The following CACNA2D3 variants were observed in gnomAD, a reference collection of about 807,000 sequenced individuals.
CACNA2D3 encodes the protein calcium voltage-gated channel auxiliary subunit alpha2delta 3.
A neutral mutation model predicts 160.6 loss-of-function variants in CACNA2D3; 60 were observed. That is an observed-to-expected ratio of 0.37 (90% confidence interval 0.30 to 0.46). The LOEUF is 0.46. Ranked by LOEUF, CACNA2D3 falls within the 20% of genes least tolerant of loss-of-function variation. The probability of loss-of-function intolerance (pLI) is 1.00; values close to 1 mark genes in which losing one functional copy is unlikely to be tolerated. For missense variants in CACNA2D3, 1,205 were observed against 1,365.0 expected, an observed-to-expected ratio of 0.88 and a Z score of 1.85; for synonymous variants, 558 against 492.9, an observed-to-expected ratio of 1.13 and a Z score of -1.75.
At chr3:54,286,734 A>G (rs1703037676) in intron 2 of CACNA2D3, among the ~76,000 whole-genome samples, 2 of 152,250 alleles carry the variant, frequency 1.3e-5, no homozygotes, top group African/African-American at 4.8e-5. Flanking sequence ...ATCTCTCGGC[A>G]GAAACTCTAC....
chr3:54,378,849 G>A (rs1699053343), intron 3 of CACNA2D3, among the ~76,000 whole-genome samples: 1 of 152,190 alleles, frequency 6.6e-6, no homozygotes. Flanking sequence ...CTTTGCAAAT[G>A]TTGCACTTTG....
At chr3:54,322,146 C>A (rs1239448994) in intron 3 of CACNA2D3, among the ~76,000 whole-genome samples, 1 of 152,214 alleles carries the variant, frequency 6.6e-6, no homozygotes, top group Non-Finnish European at 1.5e-5. Context: ...TGCCTTGACA[C>A]AGAGGTCCAG....
chr3:54,183,989 A>C (rs534662848), intron 2 of CACNA2D3, among the ~76,000 whole-genome samples: 1 of 151,928 alleles, frequency 6.6e-6, no homozygotes, highest in Admixed American at 6.6e-5. Context: ...AAAAGCAGGA[A>C]TCATCTGCTT....
chr3:54,971,738 A>C (rs1575415474), intron 29 of CACNA2D3, among the ~76,000 whole-genome samples: 1 of 152,210 alleles, frequency 6.6e-6, no homozygotes, highest in Non-Finnish European at 1.5e-5. Flanking sequence ...TTCTTCAATG[A>C]CTGCTTTCAC....
chr3:54,287,006 G>T (rs144856276), intron 2 of CACNA2D3, among the ~76,000 whole-genome samples: 113 of 152,270 alleles, frequency 7.4e-4, no homozygotes, highest in African/African-American at 2.3e-3. Context: ...AGGCTAGGAA[G>T]AAACTGCATC....
chr3:54,885,959 T>C (rs1331624877), intron 23 of CACNA2D3, among the ~76,000 whole-genome samples: 3 of 152,224 alleles, frequency 2.0e-5, no homozygotes. Flanking sequence ...TTCAAGGCTA[T>C]ATCTAGATCT....
chr3:54,920,582 G>C (rs138615747), intron 27 of CACNA2D3, among the ~76,000 whole-genome samples: 205 of 152,346 alleles, frequency 1.3e-3, no homozygotes, highest in African/African-American at 4.8e-3. Flanking sequence ...GTGCCATTGA[G>C]ATTAAGGATT....
At chr3:54,455,062 C>T (rs1700373900) in intron 4 of CACNA2D3, among the ~76,000 whole-genome samples, 1 of 152,110 alleles carries the variant, frequency 6.6e-6, no homozygotes, top group South Asian at 2.1e-4. Context: ...CATGGGGGCG[C>T]AGATATCTCT....
In CACNA2D3 at chr3:54,417,303, T is replaced by C. The variant is rs1475725452; in HGVS notation, c.381+30529T>C. ...AAGCAAAACAAAACAGACTTTCCCA[T>C]GCTGGTAGGTATTAATGGAAGGTAA... On this transcript the variant is annotated intron_variant, in intron 4 of 37. Transcript: ENST00000474759. Among the ~76,000 whole-genome samples the C allele has an allele frequency of 2.0e-5, 3 of 152,326 alleles. No individual in the cohort carries two copies. The East Asian group carries it at 5.8e-4, about 29-fold the overall frequency.
At chr3:54,867,335 G>A (rs1236063331) in intron 17 of CACNA2D3, among the ~76,000 whole-genome samples, 1 of 152,104 alleles carries the variant, frequency 6.6e-6, no homozygotes, top group Non-Finnish European at 1.5e-5. Context: ...ACGCAATCGT[G>A]TATCTTGGAA....
chr3:54,347,806 C>G (rs567161125), intron 3 of CACNA2D3, among the ~76,000 whole-genome samples: 1 of 152,078 alleles, frequency 6.6e-6, no homozygotes, highest in African/African-American at 2.4e-5. Flanking sequence ...TGCCTGAGAC[C>G]CACCGTGCCT....
chr3:54,666,600 C>T (rs1010913029), intron 11 of CACNA2D3, among the ~76,000 whole-genome samples: 1 of 152,208 alleles, frequency 6.6e-6, no homozygotes, highest in Non-Finnish European at 1.5e-5. Flanking sequence ...TTTTCTTCCT[C>T]CAATATAAGG....
intron 27 of CACNA2D3, among the ~76,000 whole-genome samples, chr3:54,948,904 G>C (rs1701684651): frequency 1.3e-5 from 2 of 152,176 alleles, no homozygotes; most frequent in African/African-American, 2.4e-5. Context: ...TTGATTATTT[G>C]ATTATTTGGG....
At chr3:54,873,459 T>A (rs1486195775) in intron 18 of CACNA2D3, among the ~76,000 whole-genome samples, 1 of 152,130 alleles carries the variant, frequency 6.6e-6, no homozygotes, top group African/African-American at 2.4e-5. Flanking sequence ...CTTGAAGAGA[T>A]GTATGACTCA....
At chr3:54,673,444 C>G (rs1700192386) in intron 11 of CACNA2D3, among the ~76,000 whole-genome samples, 1 of 152,132 alleles carries the variant, frequency 6.6e-6, no homozygotes, top group African/African-American at 2.4e-5. Context: ...ATTTGTTTTG[C>G]AAAACGCAAC....
intron 27 of CACNA2D3, among the ~76,000 whole-genome samples, chr3:54,903,772 T>A (rs1700392319): frequency 6.6e-6 from 1 of 152,218 alleles, no homozygotes; most frequent in South Asian, 2.1e-4. Flanking sequence ...AGATGATATC[T>A]CATTGTGGTT....
intron 6 of CACNA2D3, among the ~76,000 whole-genome samples, chr3:54,566,604 A>G (rs913769372): frequency 6.6e-6 from 1 of 152,212 alleles, no homozygotes; most frequent in African/African-American, 2.4e-5. Context: ...GTGTCTATAC[A>G]TCACAGACAG....
chr3:54,343,363 C>T (rs1383342329), intron 3 of CACNA2D3, among the ~76,000 whole-genome samples: 1 of 152,056 alleles, frequency 6.6e-6, no homozygotes, highest in Non-Finnish European at 1.5e-5. Context: ...ACCATCATAG[C>T]CCACTGCAGC....
intron 6 of CACNA2D3, among the ~76,000 whole-genome samples, chr3:54,564,167 A>G (rs7433850): frequency 0.29 from 44,335 of 151,934 alleles, 6,622 homozygotes; most frequent in Middle Eastern, 0.39. Context: ...CCGTCTCGCT[A>G]TGCGGCACTG....
Sources: gnomAD v4.1 joint callset for allele counts (sites outside exome capture counted in the v4.1 genomes callset) on GRCh38, gnomAD v4.1.1 for gene constraint, MANE v1.5 for transcripts, NCBI Gene and HGNC (gene_info 2026-07-23, HGNC 2026-07-21) for gene names.